Variants in OR2AJ1 observed in about 807,000 individuals in gnomAD.
OR2AJ1 encodes the protein olfactory receptor 2AJ1.
For synonymous variants in OR2AJ1, 105 were observed against 60.3 expected (o/e 1.74, Z -3.44); for missense variants, 280 against 163.2 (o/e 1.72, Z -3.90).
At chr1:247,929,814 A>C (rs1471655783) in intron 1 of OR2AJ1, among the ~76,000 whole-genome samples, 3 of 152,150 alleles carry the variant, frequency 2.0e-5, no homozygotes. Flanking sequence ...GGGATATTGC[A>C]TTTCCATTAA....
chr1:247,926,084 A>T (rs952556735), intron 1 of OR2AJ1, among the ~76,000 whole-genome samples: 1 of 152,238 alleles, frequency 6.6e-6, no homozygotes, highest in African/African-American at 2.4e-5. Context: ...TCACATATTT[A>T]TTCAATAAAG....
intron 1 of OR2AJ1, among the ~76,000 whole-genome samples, chr1:247,930,639 A>G (rs1404918666): frequency 6.6e-6 from 1 of 152,202 alleles, no homozygotes; most frequent in Non-Finnish European, 1.5e-5. Flanking sequence ...CAATTTGGCT[A>G]CATGTACAAA....
chr1:247,926,415 A>G (rs1479413584), intron 1 of OR2AJ1, among the ~76,000 whole-genome samples: 1 of 152,230 alleles, frequency 6.6e-6, no homozygotes, highest in East Asian at 1.9e-4. Context: ...TGGAGAAGTC[A>G]TATAGGTTAA....
intron 1 of OR2AJ1, among the ~76,000 whole-genome samples, chr1:247,926,485 A>C (rs1316440130): frequency 2.0e-5 from 3 of 152,188 alleles, no homozygotes; most frequent in Non-Finnish European, 4.4e-5. Flanking sequence ...GTGGTCTTTT[A>C]ACCTTGACAT....
intron 1 of OR2AJ1, among the ~76,000 whole-genome samples, chr1:247,931,039 A>G (rs1306388505): frequency 6.6e-6 from 1 of 152,218 alleles, no homozygotes; most frequent in Non-Finnish European, 1.5e-5. Flanking sequence ...AACTTGAAGT[A>G]TATATAAAGA....
chr1:247,926,377 C>T (rs1660091113), intron 1 of OR2AJ1, among the ~76,000 whole-genome samples: 1 of 152,182 alleles, frequency 6.6e-6, no homozygotes, highest in African/African-American at 2.4e-5. Context: ...TGACTGATAG[C>T]AATGGTAAAG....
At position 247,927,593 on chromosome 1, in the gene OR2AJ1, A is replaced by G. The variant is rs72761088; in HGVS notation, c.-23+2425A>G. On this transcript the variant is annotated intron_variant, in intron 1 of 1. Coordinates refer to ENST00000318244, the MANE Select transcript of OR2AJ1 (RefSeq NM_001355235.2). ...AATTATCATTAACGATAATCATCCT[A>G]GAGTGCTATAGAACACTAGAACTTA... 0.017 allele frequency among the ~76,000 whole-genome samples: 2,626 copies of G among 152,104 alleles called. 157 individuals carry two copies. In the East Asian group the frequency reaches 0.21, roughly 12 times the overall value.
At chr1:247,933,619 AGAGTATTTTGATGTT>A (rs1660176819) in intron 1 of OR2AJ1, 113 bp from the exon 2 acceptor site, 1 of 467,010 alleles carries the variant, frequency 2.1e-6, no homozygotes, top group South Asian at 5.4e-5. Context: ...AAACTGGCTA[AGAGTATTTTGATGTT>A]GATTACAAAA....
chr1:247,928,376 T>G (rs2103005023), intron 1 of OR2AJ1, among the ~76,000 whole-genome samples: 1 of 152,352 alleles, frequency 6.6e-6, no homozygotes, highest in South Asian at 2.1e-4. Flanking sequence ...TATTTGCTAT[T>G]GAGTTCCTCG....
At chr1:247,929,596 C>CTTGG (rs1318277474) in intron 1 of OR2AJ1, among the ~76,000 whole-genome samples, 2 of 56,294 alleles carry the variant, frequency 3.6e-5, no homozygotes, top group East Asian at 7.4e-4. Context: ...CCCCCCTTCA[C>CTTGG]TCGGTGTGTG....
chr1:247,930,921 G>T (rs1660147106), intron 1 of OR2AJ1, among the ~76,000 whole-genome samples: 1 of 152,172 alleles, frequency 6.6e-6, no homozygotes. Context: ...ATCATGACCT[G>T]CGTTTCTTCA....
intron 1 of OR2AJ1, among the ~76,000 whole-genome samples, chr1:247,925,414 G>A (rs534592278): frequency 6.6e-6 from 1 of 152,202 alleles, no homozygotes; most frequent in Admixed American, 6.5e-5. Flanking sequence ...CTCCATGGAG[G>A]GAAGATTTAC....
At position 247,934,458 on chromosome 1, in the gene OR2AJ1, A is replaced by G; in HGVS notation, c.690A>G (p.Ser230=). ...QIILTVLQMK[S]SEARKKSFST... is the part of the protein sequence containing the mutation. Reference sequence around the variant, plus strand: ...TTCTTACTGTCCTCCAGATGAAATCATCAGAGGCAAGGAAAAAGTCATTTT... The same window carrying G: ...TTCTTACTGTCCTCCAGATGAAATCGTCAGAGGCAAGGAAAAAGTCATTTT... The change falls in exon 2 of 2, where the codon TCA becomes TCG. Residue 230 remains serine (S), a synonymous_variant. Transcript: ENST00000318244. 1 of 717,572 alleles carries G rather than the reference A, an allele frequency of 1.4e-6. No individual in the cohort carries two copies. Among genetic ancestry groups the G allele is most frequent in the Non-Finnish European group, 2.6e-6 (1 of 385,122 alleles). The allele number at this position is 717,572 out of a possible 1,614,324, so 44.5% of individuals were successfully genotyped here.
chr1:247,933,955 C>T lies in OR2AJ1; in HGVS notation c.187C>T (p.Leu63Phe). ...SRLHTPMYFL[L>F]SHLSLMDILH... ...ACTCCACACTCCAATGTATTTTCTG[C>T]TCAGCCATCTCTCCTTAATGGATAT... The change falls in exon 2 of 2, where the codon CTC becomes TTC. Residue 63 changes from leucine to phenylalanine, a missense_variant. Physicochemically the swap from Leu to Phe is conservative, Grantham distance 22 (BLOSUM62 0). Transcript: ENST00000318244. The T allele has an allele frequency of 1.4e-6, 1 of 717,660 alleles. No individual in the cohort carries two copies. 44.5% of individuals were successfully genotyped at this position (717,660 alleles called of 1,614,324 possible). A position where few individuals can be genotyped will look rare whatever the true frequency, so the allele number is the denominator to read the frequency against.
At chr1:247,927,187 C>T (rs780922162) in intron 1 of OR2AJ1, among the ~76,000 whole-genome samples, 13 of 152,178 alleles carry the variant, frequency 8.5e-5, no homozygotes, top group Non-Finnish European at 1.6e-4. Context: ...AGCCTGCTAA[C>T]TCCCACACAA....
intron 1 of OR2AJ1, among the ~76,000 whole-genome samples, chr1:247,933,188 A>G (rs375495362): frequency 1.4e-4 from 22 of 152,330 alleles, no homozygotes; most frequent in Admixed American, 5.2e-4. Context: ...TTCTTGAGCA[A>G]CTGCTATGCA....
At chr1:247,933,721 A>G (rs1387693001) in intron 1 of OR2AJ1, 26 bp from the exon 2 acceptor site, 5 of 557,708 alleles carry the variant, frequency 9.0e-6, no homozygotes, top group Non-Finnish European at 1.6e-5. Context: ...TTTTTTCTTT[A>G]TTATTAATTC....
intron 1 of OR2AJ1, among the ~76,000 whole-genome samples, chr1:247,927,683 G>T (rs184651816): frequency 6.6e-6 from 1 of 151,860 alleles, no homozygotes; most frequent in Non-Finnish European, 1.5e-5. Flanking sequence ...TTAGGCCCTC[G>T]TGTTTCCCAG....
intron 1 of OR2AJ1, among the ~76,000 whole-genome samples, chr1:247,930,922 C>T (rs139821359): frequency 6.9e-4 from 105 of 152,256 alleles, no homozygotes; most frequent in African/African-American, 2.5e-3. Flanking sequence ...TCATGACCTG[C>T]GTTTCTTCAA....
Sources: gnomAD v4.1 joint callset for allele counts (sites outside exome capture counted in the v4.1 genomes callset) on GRCh38, gnomAD v4.1.1 for gene constraint, MANE v1.5 for transcripts, NCBI Gene and HGNC (gene_info 2026-07-23, HGNC 2026-07-21) for gene names.